Variants in PLXNA4 observed in about 807,000 individuals in gnomAD.
PLXNA4 encodes plexin-A4.
In PLXNA4, 44 loss-of-function variants were observed where a neutral mutation model predicts 191.8. The ratio of observed to expected loss-of-function variants is 0.23; its 90% CI spans 0.18 to 0.29. The LOEUF is 0.29. PLXNA4 is among the 10% of genes least tolerant of loss of function. The pLI is 1.00. For missense variants in PLXNA4, 1,800 were observed against 2,488.8 expected, an observed-to-expected ratio of 0.72 and a Z score of 5.89; for synonymous variants, 1,082 against 1,009.5, an observed-to-expected ratio of 1.07 and a Z score of -1.36.
upstream of PLXNA4, among the ~76,000 whole-genome samples, chr7:132,577,744 T>G (rs115810218): frequency 0.037 from 5,676 of 152,216 alleles, 240 homozygotes; most frequent in African/African-American, 0.1. Context: ...GCCTCGGAAT[T>G]TGCAGCTCTG....
chr7:132,604,948 C>T (rs901691471), intron 2 of PLXNA4, among the ~76,000 whole-genome samples: 5 of 152,164 alleles, frequency 3.3e-5, no homozygotes, highest in African/African-American at 1.2e-4. Flanking sequence ...GATGGCTCTT[C>T]CTTTGTTGAC....
chr7:132,499,885 G>A (rs1798178369), intron 2 of PLXNA4, among the ~76,000 whole-genome samples: 1 of 152,140 alleles, frequency 6.6e-6, no homozygotes, highest in Admixed American at 6.5e-5. Context: ...CAGAGACCAG[G>A]GAAGGGAGTG....
chr7:132,286,819 T>G (rs1250641235), intron 4 of PLXNA4, among the ~76,000 whole-genome samples: 1 of 152,208 alleles, frequency 6.6e-6, no homozygotes, highest in South Asian at 2.1e-4. Context: ...CATAGCTCTC[T>G]CTGATTAGGG....
chr7:132,174,421 T>C (rs1796389420), intron 21 of PLXNA4, among the ~76,000 whole-genome samples: 1 of 152,226 alleles, frequency 6.6e-6, no homozygotes, highest in Non-Finnish European at 1.5e-5. Context: ...AATCCCCTAC[T>C]TCATGGACCC....
intron 2 of PLXNA4, among the ~76,000 whole-genome samples, chr7:132,618,023 G>A (rs1803188835): frequency 6.6e-6 from 1 of 152,174 alleles, no homozygotes; most frequent in Non-Finnish European, 1.5e-5. Flanking sequence ...AGAGCAGGAA[G>A]GCAGACCCTT....
At chr7:132,225,617 C>CA (rs962829689) in intron 8 of PLXNA4, among the ~76,000 whole-genome samples, 3 of 27,730 alleles carry the variant, frequency 1.1e-4, no homozygotes, top group South Asian at 3.9e-3. Context: ...CCAGAGTCCG[C>CA]CCCCCCCCAC....
intron 3 of PLXNA4, among the ~76,000 whole-genome samples, chr7:132,313,049 G>T (rs1474112847): frequency 6.6e-6 from 1 of 152,118 alleles, no homozygotes; most frequent in Non-Finnish European, 1.5e-5. Flanking sequence ...GGCAGGAGCT[G>T]CACCTGGACC....
intron 3 of PLXNA4, among the ~76,000 whole-genome samples, chr7:132,486,936 C>T (rs1338427511): frequency 6.6e-6 from 1 of 152,154 alleles, no homozygotes; most frequent in African/African-American, 2.4e-5. Context: ...TGGTGCTGCA[C>T]TTGACCTCCC....
chr7:132,159,498 C>A lies in PLXNA4; in HGVS notation c.4635G>T (p.Arg1545=). The stretch of plus-strand genomic sequence containing the variant: ...CCAGATCCATATCTGCAGCTTTGGG[C>A]CGGTGGGAGCAAGGCACATTCTTGA... ...AIFKNVPCSH[R]PKAADMDLEW... is the part of the protein sequence containing the mutation. The change falls in exon 25 of 32, where the codon CGG becomes CGT. Residue 1545 remains arginine, a synonymous_variant. Coordinates refer to ENST00000321063, the MANE Select transcript of PLXNA4 (RefSeq NM_020911.2). 1.9e-6 allele frequency: 3 copies of A among 1,614,126 alleles called. No individual in the cohort carries two copies. Among genetic ancestry groups the A allele is most frequent in the Non-Finnish European group, 2.5e-6 (3 of 1,180,004 alleles).
At chr7:132,373,645 T>C (rs1450507236) in intron 3 of PLXNA4, among the ~76,000 whole-genome samples, 2 of 152,206 alleles carry the variant, frequency 1.3e-5, no homozygotes, top group Admixed American at 1.3e-4. Flanking sequence ...TTGAAACCCC[T>C]GGGCCTTCAC....
chr7:132,611,073 C>G (rs145067099), intron 2 of PLXNA4, among the ~76,000 whole-genome samples: 1 of 152,188 alleles, frequency 6.6e-6, no homozygotes, highest in Non-Finnish European at 1.5e-5. Context: ...GTGAGCCAGT[C>G]CCCCCGGCCA....
intron 4 of PLXNA4, among the ~76,000 whole-genome samples, chr7:132,254,513 T>C (rs1277375596): frequency 6.6e-6 from 1 of 152,192 alleles, no homozygotes; most frequent in African/African-American, 2.4e-5. Context: ...TTTCCTCCTA[T>C]GCATAAAGGG....
At chr7:132,424,754 T>C (rs927668014) in intron 3 of PLXNA4, among the ~76,000 whole-genome samples, 8 of 152,240 alleles carry the variant, frequency 5.3e-5, no homozygotes, top group Non-Finnish European at 4.4e-5. Context: ...ACACATTACA[T>C]ACATGTACCA....
At chr7:132,334,168 A>G (rs1308341613) in intron 3 of PLXNA4, among the ~76,000 whole-genome samples, 1 of 151,790 alleles carries the variant, frequency 6.6e-6, no homozygotes, top group Non-Finnish European at 1.5e-5. Flanking sequence ...TTTTGCACAG[A>G]GAAGTCTCAT....
chr7:132,548,323 G>A (rs1400719849), intron 1 of PLXNA4, among the ~76,000 whole-genome samples: 1 of 152,154 alleles, frequency 6.6e-6, no homozygotes, highest in East Asian at 1.9e-4. Context: ...TTTATGATAA[G>A]CAGATGAGGC....
At chr7:132,488,614 A>T (rs1459332750) in intron 3 of PLXNA4, among the ~76,000 whole-genome samples, 1 of 152,222 alleles carries the variant, frequency 6.6e-6, no homozygotes, top group Non-Finnish European at 1.5e-5. Context: ...TCATGAGATG[A>T]GAAGCCTGAA....
At chr7:132,198,363 G>T in intron 13 of PLXNA4, 122 bp downstream of exon 13, 3 of 1,378,010 alleles carry the variant, frequency 2.2e-6, no homozygotes, top group Non-Finnish European at 2.9e-6. Flanking sequence ...AAAATATTGG[G>T]GTGGTTCTCC....
intron 1 of PLXNA4, among the ~76,000 whole-genome samples, chr7:132,569,941 T>G (rs1801897841): frequency 6.6e-6 from 1 of 152,234 alleles, no homozygotes; most frequent in South Asian, 2.1e-4. Flanking sequence ...AAATTTTCAC[T>G]GTAGAAGCCA....
chr7:132,307,671 G>A (rs931102526), intron 3 of PLXNA4, among the ~76,000 whole-genome samples: 8 of 152,156 alleles, frequency 5.3e-5, no homozygotes, highest in African/African-American at 1.9e-4. Flanking sequence ...TTCGCCAGCA[G>A]GGTGGACTGT....
Sources: allele counts gnomAD v4.1 joint callset (sites outside exome capture counted in the v4.1 genomes callset), GRCh38; gene constraint gnomAD v4.1.1; transcripts MANE v1.5; gene names NCBI Gene and HGNC (gene_info 2026-07-23, HGNC 2026-07-21).